The following GRIP1 variants were observed in gnomAD, a reference collection of about 807,000 sequenced individuals.
The protein encoded by GRIP1 is glutamate receptor interacting protein 1.
GRIP1 carries 45 observed loss-of-function variants against 129.9 expected under a neutral mutation model. The observed-to-expected ratio is 0.35, with a 90% CI of 0.27 to 0.44. GRIP1 has a LOEUF of 0.44. GRIP1 is among the 20% of genes least tolerant of loss of function. The pLI, the probability that GRIP1 is intolerant of heterozygous loss-of-function variation, is 1.00. For missense variants in GRIP1, 1,196 were observed against 1,396.8 expected, an observed-to-expected ratio of 0.86 and a Z score of 2.29; for synonymous variants, 530 against 520.8, an observed-to-expected ratio of 1.02 and a Z score of -0.24.
chr12:66,908,080 T>A (rs2040964624), intron 1 of GRIP1, among the ~76,000 whole-genome samples: 1 of 152,220 alleles, frequency 6.6e-6, no homozygotes, highest in Non-Finnish European at 1.5e-5. Flanking sequence ...TCCTTAAACT[T>A]ATTTTAATGA....
intron 1 of GRIP1, among the ~76,000 whole-genome samples, chr12:66,870,072 CA>C (rs961759376): frequency 2.2e-4 from 34 of 152,144 alleles, no homozygotes; most frequent in Admixed American, 1.8e-3. Context: ...TTGTGACAAC[CA>C]AAAATATCTC....
At chr12:66,839,471 T>G (rs534359936) in intron 1 of GRIP1, among the ~76,000 whole-genome samples, 33 of 152,178 alleles carry the variant, frequency 2.2e-4, no homozygotes, top group Non-Finnish European at 4.1e-4. Flanking sequence ...ATTTTATAAT[T>G]TGCATACACA....
chr12:66,728,590 G>C (rs894150788), intron 1 of GRIP1, among the ~76,000 whole-genome samples: 1 of 152,104 alleles, frequency 6.6e-6, no homozygotes, highest in African/African-American at 2.4e-5. Flanking sequence ...TAGGTTCACA[G>C]GTACTTTTAA....
At chr12:66,589,879 T>C (rs183917066) in intron 2 of GRIP1, among the ~76,000 whole-genome samples, 22 of 152,310 alleles carry the variant, frequency 1.4e-4, no homozygotes, top group Admixed American at 1.3e-3. Flanking sequence ...CTATGTAAGA[T>C]GCTTCTTCAC....
chr12:66,915,234 A>T (rs2137330911), intron 1 of GRIP1, among the ~76,000 whole-genome samples: 1 of 152,068 alleles, frequency 6.6e-6, no homozygotes, highest in South Asian at 2.1e-4. Context: ...TAAATCTCCC[A>T]GAGAACTGAC....
chr12:66,720,774 G>C (rs544144495), intron 1 of GRIP1, among the ~76,000 whole-genome samples: 219 of 152,100 alleles, frequency 1.4e-3, no homozygotes, highest in Non-Finnish European at 2.0e-3. Flanking sequence ...TAATTCTCTT[G>C]TTATTTCCAC....
chr12:66,757,792 C>A (rs1481683291), intron 1 of GRIP1, among the ~76,000 whole-genome samples: 1 of 152,096 alleles, frequency 6.6e-6, no homozygotes, highest in Non-Finnish European at 1.5e-5. Flanking sequence ...GCCATTTTAA[C>A]TGGGGTAAGA....
At chr12:67,010,196 G>A (rs2042684368) in intron 1 of GRIP1, among the ~76,000 whole-genome samples, 1 of 152,026 alleles carries the variant, frequency 6.6e-6, no homozygotes, top group Admixed American at 6.6e-5. Context: ...TAAGAGGATA[G>A]GTAATATAAA....
At chr12:66,537,519 C>CATATATATATATAT (rs3047978) in intron 4 of GRIP1, among the ~76,000 whole-genome samples, 3 of 149,310 alleles carry the variant, frequency 2.0e-5, no homozygotes, top group African/African-American at 4.9e-5. Context: ...ATGGATATAT[C>CATATATATATATAT]ATATATATAT....
chr12:66,807,577 G>A (rs2039018874), upstream of GRIP1, among the ~76,000 whole-genome samples: 1 of 152,062 alleles, frequency 6.6e-6, no homozygotes, highest in Non-Finnish European at 1.5e-5. Context: ...GGGAGGCTGA[G>A]GCAAGAGAAT....
In GRIP1 at chr12:66,363,184, TA is replaced by T. The variant is rs1244772545; in HGVS notation, c.3012+8509del. ...ATATATACACACACATATATGTATA[TA>T]TGTGTGTGTGTGTCCATATATATAT... On this transcript the variant is annotated intron_variant, in intron 23 of 24. Coordinates refer to ENST00000359742, the MANE Select transcript of GRIP1 (RefSeq NM_001366722.1). 2.8e-4 allele frequency among the ~76,000 whole-genome samples: 23 copies of T among 82,728 alleles called. 4 individuals are homozygous for T. The highest frequency in any genetic ancestry group is 8.6e-4 in the African/African-American group (21 of 24,346). 54.3% of individuals were successfully genotyped at this position (82,728 alleles called of 152,430 possible). A position where few individuals can be genotyped will look rare whatever the true frequency, so the allele number is the denominator to read the frequency against.
chr12:66,444,513 A>G, intron 13 of GRIP1, 71 bp downstream of exon 13: 4 of 1,297,976 alleles, frequency 3.1e-6, no homozygotes, highest in Non-Finnish European at 4.4e-6. Flanking sequence ...AAAAAAAAAA[A>G]ATAGTTTCCT....
At chr12:66,550,215 C>G (rs1483881484) in intron 2 of GRIP1, among the ~76,000 whole-genome samples, 2 of 152,068 alleles carry the variant, frequency 1.3e-5, no homozygotes, top group Non-Finnish European at 2.9e-5. Context: ...GTCTTAGTTT[C>G]CTCACATCTA....
At chr12:66,687,466 C>A (rs1487498970) in intron 1 of GRIP1, among the ~76,000 whole-genome samples, 1 of 152,020 alleles carries the variant, frequency 6.6e-6, no homozygotes, top group East Asian at 1.9e-4. Flanking sequence ...TTGGCTGTTT[C>A]ATCTTGGGTA....
intron 1 of GRIP1, among the ~76,000 whole-genome samples, chr12:67,039,511 C>T (rs1031355380): frequency 2.0e-5 from 3 of 152,196 alleles, no homozygotes; most frequent in Non-Finnish European, 4.4e-5. Flanking sequence ...GGCTCTCTAA[C>T]TCTATTTAAA....
intron 19 of GRIP1, among the ~76,000 whole-genome samples, chr12:66,390,145 A>G (rs114186417): frequency 6.6e-6 from 1 of 152,292 alleles, no homozygotes; most frequent in African/African-American, 2.4e-5. Flanking sequence ...TTGGGCATTC[A>G]AGTCCATGCA....
Position 66,448,095 on chromosome 12 carries a change from C to G in GRIP1, c.1355-2587G>C, listed in dbSNP as rs181575121. ...GTCTTCTGCATGTATCTTCTCAACT[C>G]TTTCTCTTGTTTTTGTCAAGCTCCA... is the stretch of plus-strand genomic sequence containing the variant. On this transcript the variant is annotated intron_variant, in intron 11 of 24. Coordinates refer to ENST00000359742, the MANE Select transcript of GRIP1 (RefSeq NM_001366722.1). Among the ~76,000 whole-genome samples, 141 of 152,214 alleles carry G rather than the reference C, an allele frequency of 9.3e-4. 1 individual carries two copies. Among genetic ancestry groups the G allele is most frequent in the African/African-American group, 3.3e-3 (135 of 41,524 alleles).
At chr12:66,708,252 T>C (rs966433411) in intron 1 of GRIP1, among the ~76,000 whole-genome samples, 36 of 152,040 alleles carry the variant, frequency 2.4e-4, no homozygotes, top group African/African-American at 8.2e-4. Flanking sequence ...ACATCAATAA[T>C]TGATAAACAG....
At chr12:66,934,601 T>A (rs1482794246) in intron 1 of GRIP1, among the ~76,000 whole-genome samples, 1 of 152,212 alleles carries the variant, frequency 6.6e-6, no homozygotes, top group East Asian at 1.9e-4. Context: ...TTAAAATACT[T>A]CAATAAATTT....
Sources: gnomAD v4.1 joint callset for allele counts (sites outside exome capture counted in the v4.1 genomes callset) on GRCh38, gnomAD v4.1.1 for gene constraint, MANE v1.5 for transcripts, NCBI Gene and HGNC (gene_info 2026-07-23, HGNC 2026-07-21) for gene names.